TIAM2: variants seen among roughly 807,000 people sequenced by gnomAD.
TIAM2 encodes the protein rho guanine nucleotide exchange factor TIAM2.
TIAM2 carries 80 observed loss-of-function variants against 152.9 expected under a neutral mutation model. That is an observed-to-expected ratio of 0.52 (90% CI 0.44 to 0.63). TIAM2 has a LOEUF of 0.63. TIAM2 is among the 30% of genes least tolerant of loss of function. The probability of loss-of-function intolerance (pLI) is 0.00; values close to 1 mark genes in which losing one functional copy is unlikely to be tolerated. For missense variants in TIAM2, 1,965 were observed against 2,120.1 expected, an observed-to-expected ratio of 0.93 and a Z score of 1.44; for synonymous variants, 804 against 838.0, an observed-to-expected ratio of 0.96 and a Z score of 0.70.
chr6:155,131,769 G>A (rs946553245), intron 4 of TIAM2, among the ~76,000 whole-genome samples: 1 of 151,902 alleles, frequency 6.6e-6, no homozygotes, highest in African/African-American at 2.4e-5. Context: ...AGTAGAGACG[G>A]GGTTTCACCA....
chr6:155,170,430 A>G (rs1442558126), intron 9 of TIAM2, among the ~76,000 whole-genome samples: 1 of 152,134 alleles, frequency 6.6e-6, no homozygotes, highest in Admixed American at 6.5e-5. Context: ...AGCCTGGGCA[A>G]CATGGTGAAA....
intron 1 of TIAM2, among the ~76,000 whole-genome samples, chr6:155,015,272 G>A (rs1035996753): frequency 4.6e-5 from 7 of 152,116 alleles, no homozygotes; most frequent in African/African-American, 1.7e-4. Context: ...AATGGAGTTG[G>A]GGGAAGATTA....
At chr6:155,035,829 C>G (rs1029017602) in intron 1 of TIAM2, among the ~76,000 whole-genome samples, 2 of 152,144 alleles carry the variant, frequency 1.3e-5, no homozygotes, top group African/African-American at 4.8e-5. Context: ...GCACACAGCC[C>G]TTGCTGGGTT....
chr6:155,025,859 C>G (rs1311154162), intron 1 of TIAM2, among the ~76,000 whole-genome samples: 1 of 123,870 alleles, frequency 8.1e-6, no homozygotes, highest in Non-Finnish European at 1.7e-5. Context: ...CACACACACA[C>G]ACACACACAC....
intron 5 of TIAM2, among the ~76,000 whole-genome samples, chr6:155,142,074 C>T (rs1378344239): frequency 2.7e-5 from 4 of 150,206 alleles, no homozygotes; most frequent in Middle Eastern, 3.5e-3. Context: ...GCTGGTGGCC[C>T]CCAGCATCGG....
At chr6:155,116,166 A>G (rs1473035977) in intron 2 of TIAM2, among the ~76,000 whole-genome samples, 1 of 152,234 alleles carries the variant, frequency 6.6e-6, no homozygotes, top group Non-Finnish European at 1.5e-5. Flanking sequence ...TTGGATATGA[A>G]AAAATGTTAA....
At chr6:155,042,246 G>T (rs11752827) in intron 1 of TIAM2, among the ~76,000 whole-genome samples, 15,536 of 151,752 alleles carry the variant, frequency 0.1, 1,267 homozygotes, top group East Asian at 0.34. Context: ...TTGGAGCCAA[G>T]ACTAGAAACC....
chr6:155,049,973 T>C (rs1328989871), intron 1 of TIAM2, among the ~76,000 whole-genome samples: 1 of 152,146 alleles, frequency 6.6e-6, no homozygotes, highest in Non-Finnish European at 1.5e-5. Context: ...TCTCTGAAAG[T>C]TGAGAGTACA....
At chr6:155,085,273 A>G (rs543449218) in intron 1 of TIAM2, among the ~76,000 whole-genome samples, 4 of 152,354 alleles carry the variant, frequency 2.6e-5, no homozygotes, top group East Asian at 3.9e-4. Flanking sequence ...AGAAGATACA[A>G]TTTGAAGAAG....
intron 1 of TIAM2, among the ~76,000 whole-genome samples, chr6:155,068,352 T>G (rs973868815): frequency 3.3e-5 from 5 of 152,188 alleles, no homozygotes; most frequent in Non-Finnish European, 5.9e-5. Context: ...CTTTTATCAA[T>G]CTCTATAGAT....
At chr6:155,236,044 A>G (rs956369675) in intron 15 of TIAM2, among the ~76,000 whole-genome samples, 2 of 152,076 alleles carry the variant, frequency 1.3e-5, no homozygotes, top group Non-Finnish European at 2.9e-5. Flanking sequence ...CTGCAGAATT[A>G]TATTGTCTGA....
chr6:155,185,877 GT>G (rs1403489470), intron 14 of TIAM2, among the ~76,000 whole-genome samples: 1 of 152,192 alleles, frequency 6.6e-6, no homozygotes, highest in African/African-American at 2.4e-5. Context: ...CCAGGTGGCT[GT>G]TCCATAGTGA....
chr6:155,067,903 A>C (rs1777738663), intron 1 of TIAM2, among the ~76,000 whole-genome samples: 1 of 151,990 alleles, frequency 6.6e-6, no homozygotes. Flanking sequence ...CGGTCTCCCA[A>C]AGTGCTGGGA....
intron 1 of TIAM2, among the ~76,000 whole-genome samples, chr6:155,033,154 T>G (rs981006190): frequency 6.6e-5 from 10 of 152,342 alleles, no homozygotes; most frequent in East Asian, 1.9e-4. Context: ...GATGTCATTT[T>G]GAGTACATAT....
chr6:155,165,365 A>G lies in TIAM2; in HGVS notation c.2317A>G (p.Thr773Ala). Reference protein sequence around the residue: ...GIFSSLKGLDTLARKGKEKRP... With the variant: ...GIFSSLKGLDALARKGKEKRP... ...ATTTTCTTCGTTAAAAGGGCTGGAC[A>G]CACTGGCCAGAAAAGGCAAGGAGAA... is the stretch of plus-strand genomic sequence containing the variant. The change falls in exon 9 of 27, where the codon ACA becomes GCA. Residue 773 changes from threonine to alanine, a missense_variant. Thr to Ala is a moderately conservative substitution (Grantham distance 58). This residue lies in a region of TIAM2 where 1,025 missense variants were observed against 1,119.4 expected (regional missense o/e 0.92). Transcript: ENST00000682666. 1 of 1,614,148 alleles carries G rather than the reference A, an allele frequency of 6.2e-7. No homozygotes were observed. The highest frequency in any genetic ancestry group is 8.5e-7 in the Non-Finnish European group (1 of 1,180,020).
chr6:155,066,069 T>C (rs1777687642), intron 1 of TIAM2, among the ~76,000 whole-genome samples: 1 of 152,220 alleles, frequency 6.6e-6, no homozygotes, highest in Non-Finnish European at 1.5e-5. Context: ...CTCTGAAGCC[T>C]TCCCGGAAAA....
intron 6 of TIAM2, among the ~76,000 whole-genome samples, chr6:155,145,832 G>A (rs949451155): frequency 1.1e-4 from 17 of 152,122 alleles, no homozygotes; most frequent in African/African-American, 3.9e-4. Flanking sequence ...TAAGCTCCCT[G>A]GGCCTTTAAT....
chr6:155,223,747 G>C (rs1782142018), intron 15 of TIAM2, among the ~76,000 whole-genome samples: 1 of 152,060 alleles, frequency 6.6e-6, no homozygotes, highest in Admixed American at 6.6e-5. Flanking sequence ...CTGTCTGATG[G>C]ACTAGGAGGG....
intron 1 of TIAM2, among the ~76,000 whole-genome samples, chr6:155,086,708 GAAAAA>G (rs10667680): frequency 7.5e-6 from 1 of 133,522 alleles, no homozygotes; most frequent in Non-Finnish European, 1.6e-5. Context: ...CTCCATCTTG[GAAAAA>G]AAAAAAAAAA....
Sources: gnomAD v4.1 joint callset for allele counts (sites outside exome capture counted in the v4.1 genomes callset) on GRCh38, gnomAD v4.1.1 for gene constraint, gnomAD v4.1.1 regional missense constraint, MANE v1.5 for transcripts, NCBI Gene and HGNC (gene_info 2026-07-23, HGNC 2026-07-21) for gene names.